Variants in RBFOX1 observed in about 807,000 individuals in gnomAD.
The protein encoded by RBFOX1 is RNA binding protein fox-1 homolog 1.
RBFOX1 carries 8 observed loss-of-function variants against 57.7 expected under a neutral mutation model. The observed-to-expected ratio is 0.14, with a 90% CI of 0.08 to 0.25. The LOEUF (loss-of-function observed/expected upper bound fraction) is 0.25, where lower values mean the gene tolerates loss of function less well. Among genes scored for constraint, RBFOX1 ranks in the 10% least tolerant of loss-of-function variants. The pLI is 1.00. For missense variants in RBFOX1, 611 were observed against 548.5 expected, an observed-to-expected ratio of 1.11 and a Z score of -1.14; for synonymous variants, 326 against 222.4, an observed-to-expected ratio of 1.47 and a Z score of -4.15.
chr16:6,870,431 A>C (rs985940679), intron 3 of RBFOX1, among the ~76,000 whole-genome samples: 1 of 152,210 alleles, frequency 6.6e-6, no homozygotes, highest in Non-Finnish European at 1.5e-5. Context: ...TCTGATACCT[A>C]TAAATATCTA....
At chr16:6,951,127 A>G (rs1023899847) in intron 3 of RBFOX1, among the ~76,000 whole-genome samples, 3 of 152,052 alleles carry the variant, frequency 2.0e-5, no homozygotes, top group African/African-American at 7.2e-5. Flanking sequence ...GGCTGGTCTT[A>G]AACTCCTGGA....
In RBFOX1 at chr16:7,029,263, TATAC is replaced by T. The variant is rs1272585751; in HGVS notation, c.-15-22793_-15-22790del. Among the ~76,000 whole-genome samples the T allele has an allele frequency of 2.5e-4, 33 of 133,810 alleles. 4 individuals carry two copies. Among genetic ancestry groups the T allele is most frequent in the African/African-American group, 8.5e-4 (30 of 35,282 alleles). 87.8% of individuals were successfully genotyped at this position (133,810 alleles called of 152,430 possible). A position where few individuals can be genotyped will look rare whatever the true frequency, so the allele number is the denominator to read the frequency against. On this transcript the variant is annotated intron_variant, in intron 3 of 15. Coordinates refer to ENST00000550418, the MANE Select transcript of RBFOX1 (RefSeq NM_018723.4). ...ATACGTATATATATACACACATATATATACGTATACGTATATATATACACATATA... is the reference window on the plus strand; with the variant it reads ...ATACGTATATATATACACACATATATGTATACGTATATATATACACATATA...
chr16:7,711,377 T>C lies in RBFOX1; in HGVS notation c.*632T>C, dbSNP rs997231519. On this transcript the variant is annotated 3_prime_UTR_variant, in exon 16 of 16. Coordinates refer to ENST00000550418, the MANE Select transcript of RBFOX1 (RefSeq NM_018723.4). ...GTAGCACTTGTGCATCTGAGTTGAATGAAGCTGTGCAAACCCACCCTTTAA... is the reference window on the plus strand; with the variant it reads ...GTAGCACTTGTGCATCTGAGTTGAACGAAGCTGTGCAAACCCACCCTTTAA... The C allele has an allele frequency of 1.4e-4, 22 of 152,598 alleles. No individual in the cohort carries two copies. The highest frequency in any genetic ancestry group is 5.3e-4 in the African/African-American group (22 of 41,432). The allele number at this position is 152,598 out of a possible 1,614,324, so 9.5% of individuals were successfully genotyped here. A position where few individuals can be genotyped will look rare whatever the true frequency, so the allele number is the denominator to read the frequency against.
chr16:6,300,917 G>T (rs577681482), intron 1 of RBFOX1, among the ~76,000 whole-genome samples: 3 of 152,238 alleles, frequency 2.0e-5, no homozygotes, highest in African/African-American at 7.2e-5. Context: ...ATTTATCTCT[G>T]AATCCCTAAC....
chr16:6,816,656 C>G (rs776123643), intron 3 of RBFOX1, among the ~76,000 whole-genome samples: 1 of 149,194 alleles, frequency 6.7e-6, no homozygotes, highest in African/African-American at 2.5e-5. Context: ...AGGAGAATGG[C>G]GTGAACCCGG....
intron 1 of RBFOX1, among the ~76,000 whole-genome samples, chr16:6,202,962 A>G (rs529650659): frequency 6.6e-6 from 1 of 151,968 alleles, no homozygotes; most frequent in Non-Finnish European, 1.5e-5. Context: ...TTTTGTAGAG[A>G]TGGGGTTCTC....
At chr16:7,284,223 G>C (rs1184880207) in intron 4 of RBFOX1, among the ~76,000 whole-genome samples, 1 of 152,224 alleles carries the variant, frequency 6.6e-6, no homozygotes, top group African/African-American at 2.4e-5. Flanking sequence ...TTATGAAACA[G>C]TTGCTGTAAG....
chr16:5,855,976 CTTTT>C (rs1160702604), intron 3 of RBFOX1, among the ~76,000 whole-genome samples: 3 of 77,706 alleles, frequency 3.9e-5, no homozygotes, highest in Non-Finnish European at 7.7e-5. Flanking sequence ...GTATGTTATT[CTTTT>C]TTTTTTTTTT....
At chr16:6,981,401 C>T (rs901785954) in intron 3 of RBFOX1, among the ~76,000 whole-genome samples, 14 of 152,112 alleles carry the variant, frequency 9.2e-5, no homozygotes, top group African/African-American at 2.7e-4. Context: ...GAGGTCCATC[C>T]ATGTCCCTGC....
intron 4 of RBFOX1, among the ~76,000 whole-genome samples, chr16:7,132,256 C>G (rs2070682860): frequency 6.6e-6 from 1 of 152,036 alleles, no homozygotes; most frequent in Non-Finnish European, 1.5e-5. Context: ...GCTGGGATTA[C>G]AGTCATGAGA....
chr16:5,402,014 A>G (rs1182368439), intron 1 of RBFOX1, among the ~76,000 whole-genome samples: 1 of 152,196 alleles, frequency 6.6e-6, no homozygotes, highest in Non-Finnish European at 1.5e-5. Flanking sequence ...AGTTTAGTAA[A>G]TGACCTATTT....
chr16:6,886,176 C>T (rs1315422642), intron 3 of RBFOX1, among the ~76,000 whole-genome samples: 1 of 151,876 alleles, frequency 6.6e-6, no homozygotes, highest in South Asian at 2.1e-4. Flanking sequence ...ACTCTCCTGC[C>T]TCAGCCTCCT....
intron 3 of RBFOX1, among the ~76,000 whole-genome samples, chr16:6,768,372 G>C (rs868121148): frequency 4.0e-5 from 6 of 151,886 alleles, no homozygotes; most frequent in African/African-American, 1.4e-4. Context: ...AGATGGTGTA[G>C]TTTTCTTATT....
chr16:7,362,782 G>A (rs1021891662), intron 4 of RBFOX1, among the ~76,000 whole-genome samples: 17 of 152,168 alleles, frequency 1.1e-4, no homozygotes, highest in Non-Finnish European at 1.9e-4. Context: ...GTATATGTGT[G>A]TGTGTGCATT....
chr16:6,302,286 C>T (rs971555367), intron 1 of RBFOX1, among the ~76,000 whole-genome samples: 36 of 152,164 alleles, frequency 2.4e-4, no homozygotes, highest in African/African-American at 7.9e-4. Context: ...TTCTCCCACA[C>T]GGAGATGCTG....
intron 2 of RBFOX1, among the ~76,000 whole-genome samples, chr16:6,579,990 G>T (rs947801531): frequency 6.6e-6 from 1 of 151,632 alleles, no homozygotes; most frequent in Non-Finnish European, 1.5e-5. Flanking sequence ...ACAGAGTCTT[G>T]CTCTGTCGCC....
At chr16:7,476,646 C>T (rs533507224) in intron 4 of RBFOX1, among the ~76,000 whole-genome samples, 8 of 152,272 alleles carry the variant, frequency 5.3e-5, no homozygotes, top group African/African-American at 1.7e-4. Context: ...CTGGAAATTT[C>T]ACCTTTGGGG....
intron 3 of RBFOX1, among the ~76,000 whole-genome samples, chr16:6,869,573 G>A (rs1327214443): frequency 1.3e-5 from 2 of 151,858 alleles, no homozygotes; most frequent in African/African-American, 4.8e-5. Context: ...TAATTTCTGT[G>A]CAGAGTAGGA....
intron 4 of RBFOX1, among the ~76,000 whole-genome samples, chr16:7,408,745 T>A (rs1304511229): frequency 6.6e-6 from 1 of 152,210 alleles, no homozygotes; most frequent in Non-Finnish European, 1.5e-5. Context: ...ACAGCATCCC[T>A]GGCCTCCTAT....
Sources: allele counts gnomAD v4.1 joint callset (sites outside exome capture counted in the v4.1 genomes callset), GRCh38; gene constraint gnomAD v4.1.1; transcripts MANE v1.5; gene names NCBI Gene and HGNC (gene_info 2026-07-23, HGNC 2026-07-21).